PANK2: variants seen among roughly 807,000 people sequenced by gnomAD.
PANK2 encodes the protein pantothenate kinase 2, mitochondrial.
PANK2 carries 36 observed loss-of-function variants against 43.1 expected under a neutral mutation model. That is an observed-to-expected ratio of 0.84 (90% confidence interval 0.64 to 1.10). PANK2 has a LOEUF of 1.10. Among genes scored for constraint, PANK2 ranks in the 50% least tolerant of loss-of-function variants. The pLI is 0.00. For synonymous variants in PANK2, 281 were observed against 238.2 expected (o/e 1.18, Z -1.66); for missense variants, 576 against 593.3 (o/e 0.97, Z 0.30).
At position 3,923,498 on chromosome 20, in the gene PANK2, C is replaced by CA. The variant is rs2090678803; in HGVS notation, c.*210dup. 2 of 613,462 alleles carry CA rather than the reference C, an allele frequency of 3.3e-6. No individual in the cohort carries two copies. Among genetic ancestry groups the CA allele is most frequent in the Non-Finnish European group, 2.9e-6 (1 of 349,564 alleles). The allele number at this position is 613,462 out of a possible 1,614,324, so 38.0% of individuals were successfully genotyped here. ...GGAAGGAAAAATATATTAAAAACAA[C>CA]AAAAAAGTGGCACATGTCCAGGCAG... is the stretch of plus-strand genomic sequence containing the variant. On this transcript the variant is annotated 3_prime_UTR_variant, in exon 7 of 7. Coordinates refer to ENST00000610179, the MANE Select transcript of PANK2 (RefSeq NM_001386393.1).
intron 6 of PANK2, 77 bp downstream of exon 6, chr20:3,918,873 G>T: frequency 4.4e-6 from 7 of 1,607,506 alleles, no homozygotes; most frequent in Non-Finnish European, 5.1e-6. Context: ...ACTTGAGGTA[G>T]AGGGTGGAGG....
chr20:3,915,335 T>C (rs2090541557), intron 4 of PANK2, among the ~76,000 whole-genome samples: 1 of 152,136 alleles, frequency 6.6e-6, no homozygotes, highest in South Asian at 2.1e-4. Context: ...AGTCTTGCTC[T>C]GTCACCAGGC....
intron 1 of PANK2, among the ~76,000 whole-genome samples, chr20:3,893,078 G>A (rs2090149939): frequency 1.3e-5 from 2 of 152,162 alleles, no homozygotes; most frequent in Admixed American, 1.3e-4. Flanking sequence ...ACACTATGCC[G>A]AGTATTTTAT....
At chr20:3,892,675 A>G (rs978195211) in intron 1 of PANK2, among the ~76,000 whole-genome samples, 9 of 147,120 alleles carry the variant, frequency 6.1e-5, no homozygotes, top group African/African-American at 2.3e-4. Flanking sequence ...CTCTGTCTCA[A>G]AAAAAAAAAA....
At chr20:3,901,316 G>A (rs776634037) in intron 1 of PANK2, among the ~76,000 whole-genome samples, 17 of 150,788 alleles carry the variant, frequency 1.1e-4, no homozygotes, top group Admixed American at 6.9e-4. Flanking sequence ...TCAAAGTGTT[G>A]GAATTACAGG....
At chr20:3,911,927 T>A (rs143730823) in intron 3 of PANK2, among the ~76,000 whole-genome samples, 1 of 152,042 alleles carries the variant, frequency 6.6e-6, no homozygotes, top group East Asian at 1.9e-4. Context: ...AAGAAGAGAA[T>A]GTTTCGGCTT....
At chr20:3,905,591 C>T (rs1303516927) in intron 1 of PANK2, among the ~76,000 whole-genome samples, 1 of 151,866 alleles carries the variant, frequency 6.6e-6, no homozygotes, top group Non-Finnish European at 1.5e-5. Context: ...TCATGATCCT[C>T]CCGCCTCGGC....
chr20:3,896,025 T>C (rs979384853), intron 1 of PANK2, among the ~76,000 whole-genome samples: 4 of 152,094 alleles, frequency 2.6e-5, no homozygotes, highest in South Asian at 2.1e-4. Flanking sequence ...GTTCATAATA[T>C]TGGAAAATTG....
rs750845179 is a variant in PANK2 at position 3,929,830 on chromosome 20, T to G, written c.*6536T>G. The G allele has an allele frequency of 6.6e-6, 1 of 152,248 alleles. No homozygotes were observed. The highest frequency in any genetic ancestry group is 6.5e-5 in the Admixed American group (1 of 15,286). The allele number at this position is 152,248 out of a possible 1,614,324, so 9.4% of individuals were successfully genotyped here. A position where few individuals can be genotyped will look rare whatever the true frequency, so the allele number is the denominator to read the frequency against. On this transcript the variant is annotated 3_prime_UTR_variant, in exon 7 of 7. Coordinates refer to ENST00000610179, the MANE Select transcript of PANK2 (RefSeq NM_001386393.1). ...AAGGGAGGGACTGCAGATTCTGATT[T>G]GTACAGAAAACTAAAATTTCAGTAT...
chr20:3,911,251 T>C (rs2090464033), intron 3 of PANK2, among the ~76,000 whole-genome samples: 1 of 152,232 alleles, frequency 6.6e-6, no homozygotes, highest in African/African-American at 2.4e-5. Flanking sequence ...AGTTGATATG[T>C]ACTGATCAGT....
intron 4 of PANK2, among the ~76,000 whole-genome samples, chr20:3,913,299 C>T (rs1230270333): frequency 6.6e-6 from 1 of 152,176 alleles, no homozygotes; most frequent in Non-Finnish European, 1.5e-5. Context: ...TTCAAACATT[C>T]ACATTACAGT....
chr20:3,902,626 G>T (rs1421389260), intron 1 of PANK2, among the ~76,000 whole-genome samples: 1 of 148,904 alleles, frequency 6.7e-6, no homozygotes, highest in African/African-American at 2.5e-5. Flanking sequence ...TGGCTGTGTT[G>T]TCCTGGCTGA....
chr20:3,908,227 CTT>C lies in PANK2; in HGVS notation c.603_604del (p.Phe201LeufsTer11). The C allele has an allele frequency of 6.2e-7, 1 of 1,613,008 alleles. No individual in the cohort carries two copies. Among genetic ancestry groups the C allele is most frequent in the Non-Finnish European group, 8.5e-7 (1 of 1,180,026 alleles). ...AAAACTTCTCGAGTCTCCACACTGT[CTT>C]TTGTGCCACTGGAGGTGGAGCGTAC... On this transcript the variant is annotated frameshift_variant, in exon 2 of 7. Coordinates refer to ENST00000610179, the MANE Select transcript of PANK2 (RefSeq NM_001386393.1). LOFTEE classifies it high-confidence loss of function.
chr20:3,919,084 T>A (rs1654708532), intron 6 of PANK2, among the ~76,000 whole-genome samples: 1 of 152,106 alleles, frequency 6.6e-6, no homozygotes, highest in Admixed American at 6.6e-5. Context: ...TTTTTGTACT[T>A]TCAGTAGAAA....
chr20:3,910,920 TG>T, intron 3 of PANK2, 90 bp downstream of exon 3: 1 of 1,482,902 alleles, frequency 6.7e-7, no homozygotes, highest in South Asian at 1.2e-5. Context: ...TTCAAGAACC[TG>T]TTAGGTGAAA....
At chr20:3,913,157 T>C (rs1555788753) in intron 4 of PANK2, among the ~76,000 whole-genome samples, 6 of 152,060 alleles carry the variant, frequency 3.9e-5, no homozygotes, top group Non-Finnish European at 1.5e-5. Context: ...GCTACGACTC[T>C]CCATTCCCCC....
chr20:3,917,110 C>T, intron 5 of PANK2, 60 bp downstream of exon 5: 1 of 1,603,558 alleles, frequency 6.2e-7, no homozygotes, highest in Non-Finnish European at 8.5e-7. Flanking sequence ...AAGTGGGCCC[C>T]ATCACGTCTG....
chr20:3,923,749 C>T lies in PANK2; in HGVS notation c.*455C>T, dbSNP rs2090682874. On this transcript the variant is annotated 3_prime_UTR_variant, in exon 7 of 7. Transcript: ENST00000610179. ...TGCATTACTCTGGTTTGCATTAAGC[C>T]TGTGTGTGAACTTACTGTAAAACAT... 5.7e-6 allele frequency: 1 copy of T among 176,176 alleles called. No homozygotes were observed. The highest frequency in any genetic ancestry group is 2.4e-5 in the African/African-American group (1 of 42,310). The allele number at this position is 176,176 out of a possible 1,614,324, so 10.9% of individuals were successfully genotyped here.
intron 1 of PANK2, among the ~76,000 whole-genome samples, chr20:3,904,616 T>C (rs991579409): frequency 6.6e-6 from 1 of 152,190 alleles, no homozygotes; most frequent in African/African-American, 2.4e-5. Flanking sequence ...CAGTTTTGCA[T>C]GGATTCTTTT....
Sources: allele counts gnomAD v4.1 joint callset (sites outside exome capture counted in the v4.1 genomes callset), GRCh38; gene constraint gnomAD v4.1.1; transcripts MANE v1.5; gene names NCBI Gene and HGNC (gene_info 2026-07-23, HGNC 2026-07-21).